The following ACTR3C variants were observed in gnomAD, a reference collection of about 807,000 sequenced individuals.
The protein encoded by ACTR3C is actin-related protein 3C.
ACTR3C carries 18 observed loss-of-function variants against 26.3 expected under a neutral mutation model. That is an observed-to-expected ratio of 0.68 (90% CI 0.47 to 1.01). The LOEUF is 1.01. ACTR3C is among the 50% of genes least tolerant of loss of function. The probability of loss-of-function intolerance (pLI) is 0.00; values close to 1 mark genes in which losing one functional copy is unlikely to be tolerated. For synonymous variants in ACTR3C, 55 were observed against 94.5 expected (o/e 0.58, Z 2.42); for missense variants, 184 against 250.7 (o/e 0.73, Z 1.80).
intron 6 of ACTR3C, among the ~76,000 whole-genome samples, chr7:150,262,628 T>A (rs1833732180): frequency 6.6e-6 from 1 of 152,206 alleles, no homozygotes; most frequent in South Asian, 2.1e-4. Flanking sequence ...TCCCAACTGA[T>A]GTCAGTCGTT....
the ACTR3C span, among the ~76,000 whole-genome samples, chr7:150,092,348 C>A: frequency 6.6e-6 from 1 of 151,184 alleles, no homozygotes. Flanking sequence ...TTGATACCAG[C>A]TTTGTTCTGC....
Position 150,286,276 on chromosome 7 carries a change from A to G in ACTR3C, c.471+91T>C, listed in dbSNP as rs1170519568. On this transcript the variant is annotated intron_variant, in intron 5 of 7. Coordinates refer to ENST00000683684, the MANE Select transcript of ACTR3C (RefSeq NM_001164458.2). ...ACCGAATGACGGCCACCCTGCTCAC[A>G]GGCCCTTCGCTGGGAACTGCTCTTT... is the stretch of plus-strand genomic sequence containing the variant. 2.1e-6 allele frequency: 3 copies of G among 1,420,518 alleles called. No individual in the cohort carries two copies. In the East Asian group the frequency reaches 6.9e-5, roughly 33 times the overall value. 88.0% of individuals were successfully genotyped at this position (1,420,518 alleles called of 1,614,324 possible).
At chr7:150,266,465 G>C (rs1166281146) in intron 6 of ACTR3C, among the ~76,000 whole-genome samples, 1 of 151,516 alleles carries the variant, frequency 6.6e-6, no homozygotes, top group Non-Finnish European at 1.5e-5. Context: ...AGGGCTAAAA[G>C]CACAAAATTT....
the ACTR3C span, among the ~76,000 whole-genome samples, chr7:149,962,467 G>T: frequency 6.6e-6 from 1 of 151,960 alleles, no homozygotes; most frequent in Non-Finnish European, 1.5e-5. Flanking sequence ...GGACGGGAGG[G>T]AGCCCAGCCA....
the ACTR3C span, among the ~76,000 whole-genome samples, chr7:150,161,202 T>TTTTATATATATATATATATATA: frequency 1.9e-5 from 2 of 103,004 alleles, no homozygotes; most frequent in Non-Finnish European, 3.7e-5. Context: ...AGGAAAGTAT[T>TTTTATATATATATATATATATA]TATATATATA....
the ACTR3C span, among the ~76,000 whole-genome samples, chr7:150,035,419 G>A: frequency 2.2e-4 from 17 of 76,016 alleles, 3 homozygotes; most frequent in South Asian, 7.0e-3. Context: ...GGGGGAAGAG[G>A]GACTGGCTCT....
downstream of ACTR3C, chr7:150,244,814 G>C (rs1031591344): frequency 6.5e-6 from 1 of 153,134 alleles, no homozygotes; most frequent in African/African-American, 2.4e-5. Flanking sequence ...GAAAGCGAAG[G>C]GAAGAGAACC....
the ACTR3C span, among the ~76,000 whole-genome samples, chr7:149,954,823 T>C: frequency 5.9e-5 from 9 of 152,236 alleles, no homozygotes; most frequent in African/African-American, 2.2e-4. Context: ...GAAAGTGTAT[T>C]CTGAATAGGG....
chr7:150,228,873 AAT>A, the ACTR3C span, among the ~76,000 whole-genome samples: 1 of 143,550 alleles, frequency 7.0e-6, no homozygotes, highest in Non-Finnish European at 1.5e-5. Context: ...TAACAATACA[AAT>A]ATATATATTT....
chr7:149,961,910 G>A, the ACTR3C span, among the ~76,000 whole-genome samples: 4,616 of 151,590 alleles, frequency 0.03, 230 homozygotes, highest in African/African-American at 0.11. Flanking sequence ...GGGCTCATAG[G>A]AAGTATACAC....
At chr7:150,035,530 G>T in the ACTR3C span, among the ~76,000 whole-genome samples, 33 of 122,308 alleles carry the variant, frequency 2.7e-4, no homozygotes, top group South Asian at 5.1e-4. Context: ...CTCGTGGGGG[G>T]TGCCTCCCCC....
At chr7:150,042,857 C>T in the ACTR3C span, among the ~76,000 whole-genome samples, 14 of 151,070 alleles carry the variant, frequency 9.3e-5, no homozygotes, top group South Asian at 4.2e-4. Context: ...CTCTCTCTGA[C>T]GCATACAATG....
chr7:149,913,975 T>A, the ACTR3C span, among the ~76,000 whole-genome samples: 2 of 145,138 alleles, frequency 1.4e-5, no homozygotes, highest in Non-Finnish European at 3.0e-5. Flanking sequence ...AGCCTCAACC[T>A]CCTGGGCTCA....
chr7:150,236,966 T>G, the ACTR3C span, among the ~76,000 whole-genome samples: 1 of 151,496 alleles, frequency 6.6e-6, no homozygotes, highest in Non-Finnish European at 1.5e-5. Flanking sequence ...AGCCTTGCAG[T>G]GGGCAGTGAT....
At chr7:149,882,152 C>T in the ACTR3C span, 1 of 152,376 alleles carries the variant, frequency 6.6e-6, no homozygotes, top group African/African-American at 2.4e-5. Flanking sequence ...TGAAGCCACA[C>T]CCAGCCCGCC....
the ACTR3C span, among the ~76,000 whole-genome samples, chr7:149,952,464 G>A: frequency 6.8e-6 from 1 of 147,104 alleles, no homozygotes; most frequent in Admixed American, 6.6e-5. Flanking sequence ...GAAAAGATTG[G>A]TAAATTTGGC....
the ACTR3C span, among the ~76,000 whole-genome samples, chr7:150,029,267 A>G: frequency 6.6e-6 from 1 of 152,004 alleles, no homozygotes; most frequent in African/African-American, 2.4e-5. Context: ...TTCAACTTCA[A>G]ACGAGTCTCT....
At chr7:149,887,001 T>C in the ACTR3C span, among the ~76,000 whole-genome samples, 1 of 147,090 alleles carries the variant, frequency 6.8e-6, no homozygotes, top group Non-Finnish European at 1.5e-5. Flanking sequence ...GCAAACCAAA[T>C]ACATAAGGAA....
At chr7:149,937,124 A>AAT in the ACTR3C span, among the ~76,000 whole-genome samples, 22 of 151,288 alleles carry the variant, frequency 1.5e-4, no homozygotes, top group East Asian at 4.3e-3. Flanking sequence ...TAGACATATT[A>AAT]CCAACTAATA....
Sources: gnomAD v4.1 joint callset for allele counts (sites outside exome capture counted in the v4.1 genomes callset) on GRCh38, gnomAD v4.1.1 for gene constraint, MANE v1.5 for transcripts, NCBI Gene and HGNC (gene_info 2026-07-23, HGNC 2026-07-21) for gene names.